CABCOCO1: variants seen among roughly 807,000 people sequenced by gnomAD.
CABCOCO1 encodes the protein ciliary associated calcium binding coiled-coil 1.
In CABCOCO1, 28 loss-of-function variants were observed where a neutral mutation model predicts 35.7. The observed-to-expected ratio is 0.78, with a 90% confidence interval of 0.58 to 1.07. CABCOCO1 has a LOEUF of 1.07. Among genes scored for constraint, CABCOCO1 ranks in the 50% least tolerant of loss-of-function variants. The pLI is 0.00. For missense variants in CABCOCO1, 326 were observed against 309.2 expected (o/e 1.05, Z -0.41); for synonymous variants, 95 against 100.1 (o/e 0.95, Z 0.30).
At chr10:61,699,333 A>C (rs1397643857) in intron 5 of CABCOCO1, among the ~76,000 whole-genome samples, 1 of 152,180 alleles carries the variant, frequency 6.6e-6, no homozygotes, top group African/African-American at 2.4e-5. Context: ...AATTCAAGGA[A>C]TCTGTCTCCA....
chr10:61,721,827 T>C (rs944519688), intron 5 of CABCOCO1, among the ~76,000 whole-genome samples: 5 of 152,092 alleles, frequency 3.3e-5, no homozygotes, highest in African/African-American at 1.2e-4. Context: ...GGGTGCAAAA[T>C]CTTTATTAGG....
chr10:61,686,202 G>T lies in CABCOCO1; in HGVS notation c.479+17G>T. 1 of 1,514,430 alleles carries T rather than the reference G, an allele frequency of 6.6e-7. No individual in the cohort carries two copies. The highest frequency in any genetic ancestry group is 1.4e-5 in the African/African-American group (1 of 69,342). The allele number at this position is 1,514,430 out of a possible 1,614,324, so 93.8% of individuals were successfully genotyped here. A position where few individuals can be genotyped will look rare whatever the true frequency, so the allele number is the denominator to read the frequency against. ...AAAAATCAGGTATGGATTATTTTCA[G>T]TAACATTTATTTTTCATTTCACATC... On this transcript the variant is annotated intron_variant, in intron 4 of 7. Transcript: ENST00000648843.
intron 5 of CABCOCO1, among the ~76,000 whole-genome samples, chr10:61,703,056 C>A (rs369107688): frequency 3.3e-5 from 5 of 151,922 alleles, no homozygotes; most frequent in Admixed American, 2.0e-4. Context: ...CACTAATGAC[C>A]ACAGCAGAAG....
At position 61,760,107 on chromosome 10, in the gene CABCOCO1, C is replaced by T. The variant is rs1259190997; in HGVS notation, c.601C>T (p.Leu201=). ...TGCATGTGGCCCTTTCCCAAATCCT[C>T]TGGAAGAAGGAATCTCATTTGATAT... is the stretch of plus-strand genomic sequence containing the variant. ...KSACGPFPNP[L]EEGISFDIYS... The change falls in exon 6 of 8, where the codon CTG becomes TTG. Residue 201 remains leucine (L), a synonymous_variant. Transcript: ENST00000648843. The T allele has an allele frequency of 6.2e-7, 1 of 1,612,608 alleles. No homozygotes were observed. The highest frequency in any genetic ancestry group is 2.2e-5 in the East Asian group (1 of 44,862).
intron 5 of CABCOCO1, among the ~76,000 whole-genome samples, chr10:61,702,691 AT>A (rs1320323175): frequency 2.0e-5 from 3 of 152,174 alleles, no homozygotes; most frequent in African/African-American, 7.2e-5. Context: ...AAGTTGGCTT[AT>A]GAGGCCACTC....
intron 2 of CABCOCO1, among the ~76,000 whole-genome samples, chr10:61,676,787 C>T (rs972951505): frequency 2.6e-5 from 4 of 152,062 alleles, no homozygotes; most frequent in South Asian, 4.1e-4. Context: ...TTCAGCCGGG[C>T]GTGGTGGCTC....
intron 5 of CABCOCO1, among the ~76,000 whole-genome samples, chr10:61,731,385 T>C (rs746557974): frequency 1.3e-5 from 2 of 152,040 alleles, no homozygotes; most frequent in African/African-American, 4.8e-5. Flanking sequence ...TGGGTTTTGT[T>C]ACATAATCCT....
At chr10:61,726,347 C>T (rs1276195185) in intron 5 of CABCOCO1, among the ~76,000 whole-genome samples, 2 of 151,926 alleles carry the variant, frequency 1.3e-5, no homozygotes, top group African/African-American at 4.8e-5. Context: ...AGGATATTGA[C>T]ATAACAAAAT....
intron 2 of CABCOCO1, 45 bp downstream of exon 2, chr10:61,672,780 G>A (rs1261131775): frequency 2.1e-6 from 2 of 960,288 alleles, no homozygotes; most frequent in Non-Finnish European, 2.5e-6. Flanking sequence ...AACAGTTCGA[G>A]TTCTGCATCT....
chr10:61,747,847 T>C (rs1213488159), intron 5 of CABCOCO1, among the ~76,000 whole-genome samples: 2 of 152,192 alleles, frequency 1.3e-5, no homozygotes, highest in African/African-American at 4.8e-5. Context: ...CTGGGCCAGA[T>C]TCACCAGCTT....
intron 5 of CABCOCO1, among the ~76,000 whole-genome samples, chr10:61,752,736 A>G (rs1272623919): frequency 1.3e-5 from 2 of 152,224 alleles, no homozygotes; most frequent in African/African-American, 4.8e-5. Flanking sequence ...TAATAATATT[A>G]GGTTGACTTC....
intron 5 of CABCOCO1, among the ~76,000 whole-genome samples, chr10:61,750,860 C>T (rs966885680): frequency 6.6e-6 from 1 of 152,114 alleles, no homozygotes; most frequent in African/African-American, 2.4e-5. Flanking sequence ...CAATGAATGC[C>T]CCCCGTGTAT....
At chr10:61,735,697 C>T (rs1841400605) in intron 5 of CABCOCO1, among the ~76,000 whole-genome samples, 1 of 152,110 alleles carries the variant, frequency 6.6e-6, no homozygotes, top group South Asian at 2.1e-4. Flanking sequence ...GCTCCAAAGG[C>T]TTGATGAGAG....
At chr10:61,681,347 T>C in intron 3 of CABCOCO1, 35 bp downstream of exon 3, 1 of 1,420,936 alleles carries the variant, frequency 7.0e-7, no homozygotes, top group Non-Finnish European at 9.6e-7. Flanking sequence ...GTAAAACAAA[T>C]TTAATTTACC....
chr10:61,680,563 T>C, intron 2 of CABCOCO1, among the ~76,000 whole-genome samples: 1 of 16,210 alleles, frequency 6.2e-5, no homozygotes, highest in South Asian at 1.2e-3. Flanking sequence ...ATAATATATA[T>C]TTGTATATAT....
Position 61,666,952 on chromosome 10 carries a change from G to GTATAATTATATATTATA in CABCOCO1, c.60+3925_60+3926insTTATATATTATATATAA, listed in dbSNP as rs1839194571. 1.5e-5 allele frequency among the ~76,000 whole-genome samples: 2 copies of GTATAATTATATATTATA among 131,782 alleles called. 1 individual carries two copies. The highest frequency in any genetic ancestry group is 5.8e-5 in the African/African-American group (2 of 34,500). The allele number at this position is 131,782 out of a possible 152,430, so 86.5% of individuals were successfully genotyped here. ...ATATATAAATATAATTATATATTAT[G>GTATAATTATATATTATA]TATAAATATAATTATATATTATATA... On this transcript the variant is annotated intron_variant, in intron 1 of 7. Coordinates refer to ENST00000648843, the MANE Select transcript of CABCOCO1 (RefSeq NM_001366906.2).
intron 2 of CABCOCO1, among the ~76,000 whole-genome samples, chr10:61,680,476 T>TGA (rs1839693152): frequency 1.2e-4 from 15 of 124,720 alleles, no homozygotes; most frequent in African/African-American, 4.3e-4. Context: ...TAATATATAT[T>TGA]TATATATATA....
chr10:61,734,391 C>T (rs1589146822), intron 5 of CABCOCO1, among the ~76,000 whole-genome samples: 1 of 151,952 alleles, frequency 6.6e-6, no homozygotes, highest in East Asian at 1.9e-4. Flanking sequence ...TTCTAATTTG[C>T]GACTGCCAGG....
intron 5 of CABCOCO1, among the ~76,000 whole-genome samples, chr10:61,717,001 A>C (rs1840883980): frequency 6.6e-6 from 1 of 152,172 alleles, no homozygotes; most frequent in African/African-American, 2.4e-5. Context: ...AGAAAAAAAG[A>C]AAAGAAAAAG....
Sources: allele counts gnomAD v4.1 joint callset (sites outside exome capture counted in the v4.1 genomes callset), GRCh38; gene constraint gnomAD v4.1.1; transcripts MANE v1.5; gene names NCBI Gene and HGNC (gene_info 2026-07-23, HGNC 2026-07-21).